Variants in CACNA1C observed in about 807,000 individuals in gnomAD.
The protein encoded by CACNA1C is calcium voltage-gated channel subunit alpha1 C.
Under a neutral mutation model 229.0 loss-of-function variants are expected in CACNA1C, and 30 were observed. The ratio of observed to expected loss-of-function variants is 0.13; its 90% confidence interval spans 0.10 to 0.18. The LOEUF is 0.18. Ranked by LOEUF, CACNA1C falls within the 10% of genes least tolerant of loss-of-function variation. The pLI is 1.00. For synonymous variants in CACNA1C, 1,114 were observed against 1,132.5 expected (o/e 0.98, Z 0.33); for missense variants, 1,658 against 2,845.0 (o/e 0.58, Z 9.49).
chr12:2,099,133 T>C (rs1488039612), intron 1 of CACNA1C, among the ~76,000 whole-genome samples: 1 of 152,244 alleles, frequency 6.6e-6, no homozygotes, highest in Non-Finnish European at 1.5e-5. Context: ...ATAGCCCTGC[T>C]CATGCTTCAT....
At chr12:2,142,658 G>A (rs894462556) in intron 3 of CACNA1C, among the ~76,000 whole-genome samples, 8 of 151,244 alleles carry the variant, frequency 5.3e-5, no homozygotes. Context: ...ACAAGATGTG[G>A]AAGACAGTGA....
At position 2,401,422 on chromosome 12, in the gene CACNA1C, G is replaced by A. The variant is rs1411376183; in HGVS notation, c.478-47554G>A. On this transcript the variant is annotated intron_variant, in intron 3 of 46. Transcript: ENST00000399655. The stretch of plus-strand genomic sequence containing the variant: ...CTTGTGACAAAGGACACATTTCCAC[G>A]ACCTCATCTGATCATCATCAACCAA... Among the ~76,000 whole-genome samples, 5 of 152,164 alleles carry A rather than the reference G, an allele frequency of 3.3e-5. No individual in the cohort carries two copies. The East Asian group carries it at 5.8e-4, about 18-fold the overall frequency.
At chr12:2,193,972 G>GCC (rs972597649) in intron 3 of CACNA1C, among the ~76,000 whole-genome samples, 1 of 151,968 alleles carries the variant, frequency 6.6e-6, no homozygotes, top group African/African-American at 2.4e-5. Context: ...CTCAGTCCTG[G>GCC]CCACTCCCAT....
intron 3 of CACNA1C, among the ~76,000 whole-genome samples, chr12:2,248,988 G>A (rs1433295720): frequency 2.6e-5 from 4 of 152,178 alleles, no homozygotes; most frequent in African/African-American, 9.7e-5. Flanking sequence ...AGGAAATGTT[G>A]GCTATTATTA....
At chr12:1,997,555 C>A (rs1014999333) in intron 1 of CACNA1C, among the ~76,000 whole-genome samples, 1 of 152,282 alleles carries the variant, frequency 6.6e-6, no homozygotes, top group South Asian at 2.1e-4. Context: ...CAATGAAACC[C>A]TTTTCCAAAT....
chr12:2,670,077 C>T (rs1302443808), intron 38 of CACNA1C, among the ~76,000 whole-genome samples: 3 of 152,198 alleles, frequency 2.0e-5, no homozygotes, highest in Admixed American at 1.3e-4. Flanking sequence ...GTTTAAGCTA[C>T]TGAGTCCCAG....
chr12:2,430,958 C>A (rs549062183), intron 3 of CACNA1C, among the ~76,000 whole-genome samples: 1 of 152,170 alleles, frequency 6.6e-6, no homozygotes, highest in Non-Finnish European at 1.5e-5. Flanking sequence ...TCTCTGTGGG[C>A]GGCTTCAGGC....
At chr12:2,135,334 G>A (rs1483278112) in intron 3 of CACNA1C, among the ~76,000 whole-genome samples, 5 of 146,718 alleles carry the variant, frequency 3.4e-5, no homozygotes, top group African/African-American at 1.3e-4. Context: ...ATCCAGCTTT[G>A]TTCTGTTGCT....
At chr12:2,070,047 T>C (rs1415137546) in intron 1 of CACNA1C, among the ~76,000 whole-genome samples, 1 of 152,156 alleles carries the variant, frequency 6.6e-6, no homozygotes, top group Non-Finnish European at 1.5e-5. Context: ...TCAAGTGATC[T>C]TCCCGCCTTG....
At chr12:2,351,293 A>G (rs2097195480) in intron 3 of CACNA1C, among the ~76,000 whole-genome samples, 1 of 152,186 alleles carries the variant, frequency 6.6e-6, no homozygotes, top group Non-Finnish European at 1.5e-5. Flanking sequence ...AGGTGGCCGA[A>G]ATCGCCTGGG....
Position 2,545,088 on chromosome 12 carries a change from A to G in CACNA1C, c.1391-4855A>G, listed in dbSNP as rs935037860. Among the ~76,000 whole-genome samples the G allele has an allele frequency of 7.3e-5, 11 of 151,612 alleles. 1 individual carries two copies. The highest frequency in any genetic ancestry group is 1.9e-4 in the African/African-American group (8 of 41,280). ...TGCTTTGGAGCTTCTTCTCCATCCA[A>G]CCCCTGAGCTGGTCGTTGCTGGTTG... On this transcript the variant is annotated intron_variant, in intron 9 of 46. Transcript: ENST00000399655.
rs1192146189 is a variant in CACNA1C, at chr12:2,665,240, C to T, written c.4398+250C>T. 7.2e-5 allele frequency among the ~76,000 whole-genome samples: 11 copies of T among 152,132 alleles called. No homozygotes were observed. Among genetic ancestry groups the T allele is most frequent in the Non-Finnish European group, 1.0e-4 (7 of 68,016 alleles). ...ATGGTGGCATTGTCCCAGAGGACAA[C>T]GGGGACATGTGGGGGCCTAGAAAGA... On this transcript the variant is annotated intron_variant, in intron 35 of 46. Coordinates refer to ENST00000399655, the MANE Select transcript of CACNA1C (RefSeq NM_000719.7). This position sits in a 1 kb window ranked among gnomAD's most constrained non-coding sequence, Gnocchi z 5.9.
At chr12:2,299,711 G>T (rs930779248) in intron 3 of CACNA1C, among the ~76,000 whole-genome samples, 1 of 152,050 alleles carries the variant, frequency 6.6e-6, no homozygotes, top group Non-Finnish European at 1.5e-5. Context: ...AGAAACCACC[G>T]AAAGGGGAAA....
At chr12:2,517,973 G>C (rs1379234885) in intron 9 of CACNA1C, among the ~76,000 whole-genome samples, 1 of 152,212 alleles carries the variant, frequency 6.6e-6, no homozygotes, top group Non-Finnish European at 1.5e-5. Context: ...GTTCAATACA[G>C]ACATTGATGT....
intron 1 of CACNA1C, among the ~76,000 whole-genome samples, chr12:1,990,335 T>G (rs567424947): frequency 6.6e-6 from 1 of 152,340 alleles, no homozygotes; most frequent in East Asian, 1.9e-4. Flanking sequence ...ACTTTTAAAG[T>G]TCATACAGGT....
At position 2,201,448 on chromosome 12, in the gene CACNA1C, G is replaced by C. The variant is rs117222543; in HGVS notation, c.477+81018G>C. Among the ~76,000 whole-genome samples, 822 of 152,266 alleles carry C rather than the reference G, an allele frequency of 5.4e-3. 6 individuals are homozygous for C. The highest frequency in any genetic ancestry group is 0.012 in the Admixed American group (187 of 15,304). ...AGCCTGGCTCCTCCTCTTAGGAGTC[G>C]CATGTCCATACAGAGTCCCAGAGAA... On this transcript the variant is annotated intron_variant, in intron 3 of 46. Transcript: ENST00000399655.
In CACNA1C at chr12:2,046,599, G is replaced by A. The variant is rs944693672; in HGVS notation, c.140-68625G>A. 8.5e-5 allele frequency among the ~76,000 whole-genome samples: 13 copies of A among 152,196 alleles called. No individual in the cohort carries two copies. In the South Asian group the frequency reaches 1.7e-3, roughly 19 times the overall value. On this transcript the variant is annotated intron_variant, in intron 1 of 46. Coordinates refer to the CACNA1C transcript ENST00000682462. ...ATCAGGCCATAAATAACCTCGCTGC[G>A]TTCTGTCTTTGGGGGCTAAGCATTG...
intron 9 of CACNA1C, among the ~76,000 whole-genome samples, chr12:2,540,892 A>G (rs1047897960): frequency 6.6e-6 from 1 of 152,234 alleles, no homozygotes; most frequent in Non-Finnish European, 1.5e-5. Context: ...GAGCTGGAAC[A>G]GCAGGAGCTG....
intron 5 of CACNA1C, among the ~76,000 whole-genome samples, chr12:2,471,245 C>T (rs2099590406): frequency 1.3e-5 from 2 of 152,186 alleles, no homozygotes; most frequent in African/African-American, 4.8e-5. Context: ...ATTTCACTTA[C>T]CCAACCCCTT....
Sources: allele counts gnomAD v4.1 joint callset (sites outside exome capture counted in the v4.1 genomes callset), GRCh38; gene constraint gnomAD v4.1.1; non-coding constraint Gnocchi (gnomAD v3.1); transcripts MANE v1.5; gene names NCBI Gene and HGNC (gene_info 2026-07-23, HGNC 2026-07-21).